Variants in SLIT3 observed in about 807,000 individuals in gnomAD.
The protein encoded by SLIT3 is slit guidance ligand 3.
A neutral mutation model predicts 184.0 loss-of-function variants in SLIT3; 68 were observed. The ratio of observed to expected loss-of-function variants is 0.37; its 90% CI spans 0.30 to 0.45. The LOEUF is 0.45. SLIT3 is among the 20% of genes least tolerant of loss of function. The probability of loss-of-function intolerance (pLI) is 1.00; values close to 1 mark genes in which losing one functional copy is unlikely to be tolerated. For synonymous variants in SLIT3, 831 were observed against 828.6 expected, an observed-to-expected ratio of 1.00 and a Z score of -0.05; for missense variants, 1,707 against 2,026.0, an observed-to-expected ratio of 0.84 and a Z score of 3.02.
At chr5:168,948,355 G>GCT (rs1581236117) in intron 4 of SLIT3, among the ~76,000 whole-genome samples, 2 of 152,248 alleles carry the variant, frequency 1.3e-5, no homozygotes, top group East Asian at 3.9e-4. Flanking sequence ...GAAGGAAGAG[G>GCT]CTCCGTTGGA....
rs1755196239 is a variant in SLIT3 at position 168,762,605 on chromosome 5, A to T, written c.1544T>A (p.Ile515Asn). Residue 515 changes from isoleucine (I) to asparagine (N), a missense_variant, in exon 15 of 36, where the codon ATT (isoleucine) becomes AAT (asparagine). This residue lies in a region of SLIT3 where 1,307 missense variants were observed against 1,511.6 expected (regional missense o/e 0.86). Coordinates refer to ENST00000519560, the MANE Select transcript of SLIT3 (RefSeq NM_003062.4). ...CAGCTTCTGGTTGGAGCAGTCCACA[A>T]TCGTGCCCTCACAGCGACACTTCTC... ...CPEKCRCEGT[I>N]VDCSNQKLVR... The T allele has an allele frequency of 6.2e-7, 1 of 1,613,776 alleles. No homozygotes were observed. Among genetic ancestry groups the T allele is most frequent in the South Asian group, 1.1e-5 (1 of 91,046 alleles).
At chr5:168,859,788 C>A (rs1447014033) in intron 5 of SLIT3, among the ~76,000 whole-genome samples, 4 of 152,060 alleles carry the variant, frequency 2.6e-5, no homozygotes, top group Non-Finnish European at 4.4e-5. Flanking sequence ...TAGGAGATGA[C>A]CTTTTTGTTT....
chr5:169,111,175 G>A (rs777007336), intron 4 of SLIT3, among the ~76,000 whole-genome samples: 1 of 152,058 alleles, frequency 6.6e-6, no homozygotes, highest in Non-Finnish European at 1.5e-5. Flanking sequence ...CTTTCTCAGG[G>A]AGCCTTCCCT....
chr5:169,071,788 A>G (rs1758557861), intron 4 of SLIT3, among the ~76,000 whole-genome samples: 1 of 152,156 alleles, frequency 6.6e-6, no homozygotes, highest in African/African-American at 2.4e-5. Context: ...CCTCTTGTTC[A>G]GGAAATAGCC....
intron 4 of SLIT3, among the ~76,000 whole-genome samples, chr5:168,907,973 T>TAGAGAGAGAGAGAG (rs1360826933): frequency 1.8e-4 from 12 of 66,790 alleles, no homozygotes; most frequent in African/African-American, 5.0e-4. Flanking sequence ...TATATATATA[T>TAGAGAGAGAGAGAG]ATATATAGAG....
At chr5:169,239,872 TA>T (rs1561759620) in intron 3 of SLIT3, among the ~76,000 whole-genome samples, 1 of 152,124 alleles carries the variant, frequency 6.6e-6, no homozygotes, top group African/African-American at 2.4e-5. Context: ...ATAGATACTA[TA>T]CATAATATAT....
At chr5:169,194,473 C>T (rs1295407280) in intron 3 of SLIT3, among the ~76,000 whole-genome samples, 1 of 151,894 alleles carries the variant, frequency 6.6e-6, no homozygotes, top group Non-Finnish European at 1.5e-5. Context: ...GGCAATTTTG[C>T]CTTTGTGGGC....
At chr5:168,943,940 C>T (rs1409035544) in intron 4 of SLIT3, among the ~76,000 whole-genome samples, 5 of 152,192 alleles carry the variant, frequency 3.3e-5, no homozygotes, top group African/African-American at 9.7e-5. Context: ...AACAAAACTC[C>T]TTGGCGAATC....
intron 29 of SLIT3, among the ~76,000 whole-genome samples, chr5:168,689,059 C>G (rs1761830964): frequency 6.6e-6 from 1 of 152,184 alleles, no homozygotes; most frequent in Non-Finnish European, 1.5e-5. Context: ...TAAAATGCTA[C>G]AGCCCTCTCA....
chr5:168,789,522 C>G (rs543767778), intron 11 of SLIT3, 38 bp downstream of exon 11: 5 of 1,548,458 alleles, frequency 3.2e-6, no homozygotes, highest in East Asian at 4.6e-5. Flanking sequence ...AGCGCCCCCC[C>G]TCCCCTCACC....
chr5:168,670,060 C>A, intron 34 of SLIT3, 69 bp from the exon 35 acceptor site: 4 of 1,391,780 alleles, frequency 2.9e-6, no homozygotes, highest in Non-Finnish European at 4.0e-6. Context: ...TCCCTCTGTC[C>A]ACCCAGCCAG....
At chr5:168,727,815 G>T (rs1374558201) in intron 20 of SLIT3, among the ~76,000 whole-genome samples, 1 of 152,226 alleles carries the variant, frequency 6.6e-6, no homozygotes, top group Non-Finnish European at 1.5e-5. Context: ...TTTGGGCAGG[G>T]AGGCTCTGCT....
intron 26 of SLIT3, among the ~76,000 whole-genome samples, chr5:168,705,936 A>G (rs1048804389): frequency 6.6e-6 from 1 of 152,246 alleles, no homozygotes; most frequent in African/African-American, 2.4e-5. Flanking sequence ...AAAATCAGAG[A>G]AGAAAATAAA....
intron 2 of SLIT3, 102 bp downstream of exon 2, chr5:169,251,286 T>G (rs1765765365): frequency 1.3e-6 from 1 of 797,320 alleles, no homozygotes; most frequent in Non-Finnish European, 2.2e-6. Context: ...GAATTCCTGT[T>G]GTCCAGGGCT....
intron 4 of SLIT3, among the ~76,000 whole-genome samples, chr5:169,032,729 A>T (rs1757077739): frequency 6.6e-6 from 1 of 151,802 alleles, no homozygotes; most frequent in African/African-American, 2.4e-5. Context: ...TAAACTATCT[A>T]ACAGGACCTC....
intron 4 of SLIT3, among the ~76,000 whole-genome samples, chr5:169,104,810 G>C (rs779595490): frequency 6.6e-5 from 10 of 152,162 alleles, no homozygotes; most frequent in Non-Finnish European, 1.2e-4. Flanking sequence ...AAAACTCTCA[G>C]GGGGAGAAAA....
intron 3 of SLIT3, among the ~76,000 whole-genome samples, chr5:169,193,891 C>A (rs940937765): frequency 6.6e-6 from 1 of 152,096 alleles, no homozygotes; most frequent in Non-Finnish European, 1.5e-5. Flanking sequence ...CCATGAGCTT[C>A]GTGTAGCTAT....
intron 4 of SLIT3, among the ~76,000 whole-genome samples, chr5:169,004,465 C>A (rs934355375): frequency 6.6e-6 from 1 of 152,186 alleles, no homozygotes; most frequent in African/African-American, 2.4e-5. Context: ...GCTGCTTTTA[C>A]TGAGCCCTCT....
At chr5:168,957,643 T>C (rs950581731) in intron 4 of SLIT3, among the ~76,000 whole-genome samples, 4 of 152,318 alleles carry the variant, frequency 2.6e-5, no homozygotes, top group African/African-American at 4.8e-5. Context: ...TCAGAATCAC[T>C]TGTGGAGCTG....
Sources: allele counts gnomAD v4.1 joint callset (sites outside exome capture counted in the v4.1 genomes callset), GRCh38; gene constraint gnomAD v4.1.1; regional missense constraint gnomAD v4.1.1; transcripts MANE v1.5; gene names NCBI Gene and HGNC (gene_info 2026-07-23, HGNC 2026-07-21).